C1orf21: variants seen among roughly 807,000 people sequenced by gnomAD.
C1orf21 encodes the protein chromosome 1 open reading frame 21, also known as uncharacterized protein C1orf21.
A neutral mutation model predicts 18.7 loss-of-function variants in C1orf21; 3 were observed. The observed-to-expected ratio is 0.16, with a 90% CI of 0.07 to 0.42. The LOEUF (loss-of-function observed/expected upper bound fraction) is 0.42. Ranked by LOEUF, C1orf21 falls within the 10% of genes least tolerant of loss-of-function variation. C1orf21 has a pLI of 0.99. For missense variants in C1orf21, 104 were observed against 143.6 expected (o/e 0.72, Z 1.41); for synonymous variants, 41 against 46.4 (o/e 0.88, Z 0.47).
chr1:184,436,763 T>C (rs1656864797), intron 1 of C1orf21, among the ~76,000 whole-genome samples: 3 of 152,114 alleles, frequency 2.0e-5, no homozygotes, highest in Admixed American at 2.0e-4. Flanking sequence ...TTGATTGGGC[T>C]TTGTGCTGGG....
intron 3 of C1orf21, among the ~76,000 whole-genome samples, chr1:184,553,290 A>G (rs909992210): frequency 5.3e-5 from 8 of 152,190 alleles, no homozygotes; most frequent in Non-Finnish European, 5.9e-5. Flanking sequence ...CTGGATTTCC[A>G]TTAATAATCC....
chr1:184,415,853 A>G (rs962839214), intron 1 of C1orf21, among the ~76,000 whole-genome samples: 4 of 152,148 alleles, frequency 2.6e-5, no homozygotes, highest in Non-Finnish European at 4.4e-5. Flanking sequence ...AATATTGACA[A>G]TGTCCCCTGA....
At chr1:184,553,817 G>A (rs765031615) in intron 3 of C1orf21, among the ~76,000 whole-genome samples, 1 of 152,198 alleles carries the variant, frequency 6.6e-6, no homozygotes, top group Admixed American at 6.5e-5. Flanking sequence ...GGACATCAGA[G>A]ATGGCATGCC....
At chr1:184,601,370 A>G (rs1016161210) in intron 5 of C1orf21, among the ~76,000 whole-genome samples, 1 of 152,232 alleles carries the variant, frequency 6.6e-6, no homozygotes, top group Non-Finnish European at 1.5e-5. Context: ...GATACCAAAA[A>G]ACAAATTTCT....
chr1:184,578,801 G>A (rs1053478218), intron 3 of C1orf21, among the ~76,000 whole-genome samples: 2 of 151,980 alleles, frequency 1.3e-5, no homozygotes, highest in Admixed American at 1.3e-4. Context: ...AGTTATTAAG[G>A]CTATCCATAA....
intron 2 of C1orf21, among the ~76,000 whole-genome samples, chr1:184,505,740 G>A (rs777353504): frequency 9.9e-5 from 15 of 152,160 alleles, no homozygotes; most frequent in Non-Finnish European, 1.6e-4. Flanking sequence ...TCCAGCCTGG[G>A]CAGTAGAATG....
intron 1 of C1orf21, among the ~76,000 whole-genome samples, chr1:184,399,536 G>C (rs770082774): frequency 9.9e-5 from 15 of 151,734 alleles, no homozygotes; most frequent in Non-Finnish European, 1.8e-4. Flanking sequence ...CTAATATTTT[G>C]TAGAGAGGGG....
At chr1:184,565,505 A>T (rs1659023200) in intron 3 of C1orf21, among the ~76,000 whole-genome samples, 1 of 152,212 alleles carries the variant, frequency 6.6e-6, no homozygotes, top group South Asian at 2.1e-4. Context: ...TCTTTTCTGA[A>T]CACTGGTGCT....
At chr1:184,457,575 G>T (rs1394535543) in intron 1 of C1orf21, among the ~76,000 whole-genome samples, 1 of 152,176 alleles carries the variant, frequency 6.6e-6, no homozygotes, top group African/African-American at 2.4e-5. Context: ...TGGTTTTGGG[G>T]CTCAGTCATT....
chr1:184,617,941 A>T (rs1229764681), intron 5 of C1orf21, among the ~76,000 whole-genome samples: 1 of 123,174 alleles, frequency 8.1e-6, no homozygotes. Context: ...ATAGAGTCTC[A>T]CTCTGTCACC....
intron 3 of C1orf21, among the ~76,000 whole-genome samples, chr1:184,588,024 G>A (rs1022375075): frequency 1.3e-5 from 2 of 152,164 alleles, no homozygotes; most frequent in Non-Finnish European, 2.9e-5. Flanking sequence ...CATTTCTTCT[G>A]CATGTCCAGG....
Position 184,583,658 on chromosome 1 carries a change from C to T in C1orf21, c.190-7081C>T, listed in dbSNP as rs373634904. Reference sequence around the variant, plus strand: ...TTTTTGAGTGAAGAATAACCTAAGACTCTTGTTTAAAATGCAGATTCCTGG... The same window carrying T: ...TTTTTGAGTGAAGAATAACCTAAGATTCTTGTTTAAAATGCAGATTCCTGG... On this transcript the variant is annotated intron_variant, in intron 3 of 5. Coordinates refer to ENST00000235307, the MANE Select transcript of C1orf21 (RefSeq NM_030806.4). Among the ~76,000 whole-genome samples the T allele has an allele frequency of 1.4e-4, 21 of 152,264 alleles. 1 individual carries two copies. Among genetic ancestry groups the T allele is most frequent in the Admixed American group, 9.8e-4 (15 of 15,294 alleles).
rs533375968 is a variant in C1orf21, at chr1:184,462,851, G to A, written c.-124-14535G>A. 1.2e-4 allele frequency among the ~76,000 whole-genome samples: 18 copies of A among 152,172 alleles called. No homozygotes were observed. In the South Asian group the frequency reaches 3.7e-3, roughly 32 times the overall value. On this transcript the variant is annotated intron_variant, in intron 1 of 5. Coordinates refer to ENST00000235307, the MANE Select transcript of C1orf21 (RefSeq NM_030806.4). ...GATCCCAGCACTTTGGGAGGCTGAG[G>A]TGGGCGGATCACCTGAGGTCAGGAG...
At chr1:184,569,320 C>T (rs1659078168) in intron 3 of C1orf21, among the ~76,000 whole-genome samples, 3 of 152,178 alleles carry the variant, frequency 2.0e-5, no homozygotes, top group Admixed American at 2.0e-4. Flanking sequence ...GTTCCCATTG[C>T]CACTTGCTTC....
intron 1 of C1orf21, among the ~76,000 whole-genome samples, chr1:184,476,956 T>C (rs1168869118): frequency 6.6e-6 from 1 of 152,282 alleles, no homozygotes; most frequent in South Asian, 2.1e-4. Flanking sequence ...CAGGGTAGAA[T>C]GAGGAAGATG....
intron 1 of C1orf21, among the ~76,000 whole-genome samples, chr1:184,417,448 A>G (rs1015520340): frequency 6.6e-6 from 1 of 152,194 alleles, no homozygotes; most frequent in African/African-American, 2.4e-5. Flanking sequence ...TTTATTTTAC[A>G]CTACAATAAA....
intron 2 of C1orf21, among the ~76,000 whole-genome samples, chr1:184,494,077 G>T (rs1657855002): frequency 6.6e-6 from 1 of 152,208 alleles, no homozygotes; most frequent in Admixed American, 6.5e-5. Context: ...TCAGGGAAAA[G>T]TGTCATGAGA....
intron 3 of C1orf21, among the ~76,000 whole-genome samples, chr1:184,560,323 T>C (rs1658944212): frequency 6.6e-6 from 1 of 152,174 alleles, no homozygotes; most frequent in African/African-American, 2.4e-5. Context: ...GGTTTGGAAC[T>C]TCTAGAAACC....
chr1:184,500,850 GGCAGGAAACAAGGCCCTGGGATATGTT>G (rs1300590891), intron 2 of C1orf21, among the ~76,000 whole-genome samples: 2 of 152,100 alleles, frequency 1.3e-5, no homozygotes, highest in African/African-American at 4.8e-5. Context: ...TGTTGGAGGA[GGCAGGAAACAAGGCCCTGGGATATGTT>G]GCATCTTAAG....
Sources: allele counts gnomAD v4.1 joint callset (sites outside exome capture counted in the v4.1 genomes callset), GRCh38; gene constraint gnomAD v4.1.1; transcripts MANE v1.5; gene names NCBI Gene and HGNC (gene_info 2026-07-23, HGNC 2026-07-21).